The following DSG1 variants were observed in gnomAD, a reference collection of about 807,000 sequenced individuals.
DSG1 encodes desmoglein-1.
Under a neutral mutation model 97.5 loss-of-function variants are expected in DSG1, and 39 were observed. The ratio of observed to expected loss-of-function variants is 0.40; its 90% CI spans 0.31 to 0.52. The LOEUF is 0.52. Ranked by LOEUF, DSG1 falls within the 20% of genes least tolerant of loss-of-function variation. The pLI is 0.53. For missense variants in DSG1, 1,311 were observed against 1,295.4 expected, an observed-to-expected ratio of 1.01 and a Z score of -0.18; for synonymous variants, 475 against 443.4, an observed-to-expected ratio of 1.07 and a Z score of -0.90.
intron 1 of DSG1, among the ~76,000 whole-genome samples, chr18:31,323,302 T>A (rs1046967402): frequency 4.6e-5 from 7 of 152,114 alleles, no homozygotes; most frequent in Admixed American, 2.6e-4. Context: ...TCACCCTTAC[T>A]CCAGGGACAA....
At position 31,356,631 on chromosome 18, in the gene DSG1, G is replaced by A. The variant is rs563405161; in HGVS notation, c.*1285G>A. On this transcript the variant is annotated 3_prime_UTR_variant, in exon 15 of 15. Coordinates refer to ENST00000257192, the MANE Select transcript of DSG1 (RefSeq NM_001942.4). ...TTAGCAGAATTGACAATATGGTGTT[G>A]ATAAGCATGAAATAATAATAGAAAC... is the stretch of plus-strand genomic sequence containing the variant. 1.3e-5 allele frequency: 2 copies of A among 152,090 alleles called. No individual in the cohort carries two copies. The highest frequency in any genetic ancestry group is 4.8e-5 in the African/African-American group (2 of 41,442). The allele number at this position is 152,090 out of a possible 1,614,324, so 9.4% of individuals were successfully genotyped here.
In DSG1 at chr18:31,334,061, C is replaced by A; in HGVS notation, c.864C>A (p.Leu288=). ...IQENTLNSNL[L]EIRVIDLDEE... is the part of the protein sequence containing the mutation. ...AAAATACTCTAAATTCAAATTTGCT[C>A]GAGATTAGAGTAATTGATTTGGATG... The change falls in exon 8 of 15, where the codon CTC becomes CTA. Residue 288 remains leucine, a synonymous_variant. Coordinates refer to ENST00000257192, the MANE Select transcript of DSG1 (RefSeq NM_001942.4). 1.2e-6 allele frequency: 2 copies of A among 1,610,416 alleles called. No individual in the cohort carries two copies. Among genetic ancestry groups the A allele is most frequent in the South Asian group, 1.1e-5 (1 of 90,940 alleles).
chr18:31,331,355 G>T (rs16961650), intron 5 of DSG1, among the ~76,000 whole-genome samples: 3,806 of 152,150 alleles, frequency 0.025, 161 homozygotes, highest in African/African-American at 0.086. Flanking sequence ...TGTTGAGAAA[G>T]TTGGGAAAAT....
intron 8 of DSG1, 54 bp downstream of exon 8, chr18:31,334,256 T>C: frequency 7.8e-7 from 1 of 1,281,742 alleles, no homozygotes; most frequent in Non-Finnish European, 1.1e-6. Context: ...TTCAAAATGT[T>C]AAACTTAAAA....
At chr18:31,343,369 T>C in intron 11 of DSG1, 81 bp from the exon 12 acceptor site, 3 of 1,583,002 alleles carry the variant, frequency 1.9e-6, no homozygotes, top group African/African-American at 2.7e-5. Context: ...CGAATTCAAA[T>C]TTAACCATAA....
intron 1 of DSG1, among the ~76,000 whole-genome samples, chr18:31,323,568 TCTC>T (rs1317358091): frequency 6.6e-6 from 1 of 152,170 alleles, no homozygotes; most frequent in Non-Finnish European, 1.5e-5. Flanking sequence ...CTGCTGAACA[TCTC>T]TTCTTTTAAA....
intron 14 of DSG1, among the ~76,000 whole-genome samples, chr18:31,349,493 A>G (rs565764984): frequency 6.7e-6 from 1 of 148,786 alleles, no homozygotes; most frequent in African/African-American, 2.6e-5. Flanking sequence ...GTTTTTTCCA[A>G]TTCTGTGAAG....
chr18:31,355,440 C>A lies in DSG1; in HGVS notation c.*94C>A. ...CAATGTGATTTATAACGCACAACTT[C>A]GTGCTCAGGTCATCTAGGAGCAAGG... On this transcript the variant is annotated 3_prime_UTR_variant, in exon 15 of 15. Transcript: ENST00000257192. 1 of 1,268,922 alleles carries A rather than the reference C, an allele frequency of 7.9e-7. No homozygotes were observed. The highest frequency in any genetic ancestry group is 1.1e-6 in the Non-Finnish European group (1 of 892,270). 78.6% of individuals were successfully genotyped at this position (1,268,922 alleles called of 1,614,324 possible).
intron 11 of DSG1, among the ~76,000 whole-genome samples, chr18:31,342,222 G>A (rs1041074325): frequency 4.6e-5 from 7 of 152,060 alleles, no homozygotes; most frequent in African/African-American, 9.7e-5. Flanking sequence ...GTGAGCCACC[G>A]CGCCCGTCCT....
intron 6 of DSG1, 85 bp downstream of exon 6, chr18:31,331,952 A>G (rs954674675): frequency 7.6e-7 from 1 of 1,323,024 alleles, no homozygotes; most frequent in Non-Finnish European, 1.1e-6. Context: ...AGAGATGAAG[A>G]AAATGATGGT....
In DSG1 at chr18:31,354,484, T is replaced by C. The variant is rs754394337; in HGVS notation, c.2288T>C (p.Leu763Pro). 1.9e-6 allele frequency: 3 copies of C among 1,614,158 alleles called. No homozygotes were observed. The highest frequency in any genetic ancestry group is 2.5e-6 in the Non-Finnish European group (3 of 1,180,018). Residue 763 changes from leucine to proline, a missense_variant, in exon 15 of 15, where the codon CTA (leucine) becomes CCA (proline). By Grantham distance (98) the Leu-to-Pro change is moderately conservative (BLOSUM62 -3). Coordinates refer to ENST00000257192, the MANE Select transcript of DSG1 (RefSeq NM_001942.4). ...PKFKKLADIS[L>P]GKESYPDLDP... ...TTTAAGAAGTTGGCAGACATCAGCC[T>C]AGGAAAAGAATCATATCCAGACCTT...
In DSG1 at chr18:31,356,993, T is replaced by C. The variant is rs1191597566; in HGVS notation, c.*1647T>C. ...ATAAGCTCACTAAAATGAAACTCTA[T>C]ATGACAAAATAAAATTAGAAAAAAA... On this transcript the variant is annotated 3_prime_UTR_variant, in exon 15 of 15. Transcript: ENST00000257192. 1.3e-5 allele frequency: 2 copies of C among 152,130 alleles called. No homozygotes were observed. The highest frequency in any genetic ancestry group is 4.8e-5 in the African/African-American group (2 of 41,458). 9.4% of individuals were successfully genotyped at this position (152,130 alleles called of 1,614,324 possible). A position where few individuals can be genotyped will look rare whatever the true frequency, so the allele number is the denominator to read the frequency against.
chr18:31,338,286 T>G, intron 9 of DSG1, 29 bp from the exon 10 acceptor site: 1 of 1,610,048 alleles, frequency 6.2e-7, no homozygotes, highest in Non-Finnish European at 8.5e-7. Flanking sequence ...TAGCTGACAT[T>G]AATTTGTATC....
intron 11 of DSG1, 155 bp from the exon 12 acceptor site, chr18:31,343,295 C>A: frequency 9.6e-7 from 1 of 1,044,422 alleles, no homozygotes; most frequent in Non-Finnish European, 1.5e-6. Flanking sequence ...ACTTTGGGGT[C>A]TGACCATCAT....
intron 4 of DSG1, among the ~76,000 whole-genome samples, chr18:31,328,638 T>A (rs2071701798): frequency 6.6e-6 from 1 of 152,134 alleles, no homozygotes; most frequent in African/African-American, 2.4e-5. Flanking sequence ...TTTTAAAAAA[T>A]TCAGTAAAGA....
At chr18:31,331,649 T>C in intron 5 of DSG1, 52 bp from the exon 6 acceptor site, 1 of 1,564,212 alleles carries the variant, frequency 6.4e-7, no homozygotes. Flanking sequence ...TATACTCTAC[T>C]GTAACAAAAA....
intron 1 of DSG1, among the ~76,000 whole-genome samples, chr18:31,323,976 CTT>C (rs1203163479): frequency 0.029 from 2,772 of 94,818 alleles, 19 homozygotes; most frequent in African/African-American, 0.1. Context: ...TCTCTCCTTC[CTT>C]TTTTTTTTTT....
chr18:31,343,868 G>T (rs2071807596), intron 12 of DSG1, 58 bp from the exon 13 acceptor site: 1 of 1,392,596 alleles, frequency 7.2e-7, no homozygotes, highest in African/African-American at 1.4e-5. Flanking sequence ...ATGTATGACT[G>T]CAGAAAGATT....
At chr18:31,322,866 A>C (rs1385832572) in intron 1 of DSG1, among the ~76,000 whole-genome samples, 1 of 152,226 alleles carries the variant, frequency 6.6e-6, no homozygotes, top group Non-Finnish European at 1.5e-5. Context: ...ATGTGCAAGG[A>C]AGCATGAACT....
Sources: gnomAD v4.1 joint callset for allele counts (sites outside exome capture counted in the v4.1 genomes callset) on GRCh38, gnomAD v4.1.1 for gene constraint, MANE v1.5 for transcripts, NCBI Gene and HGNC (gene_info 2026-07-23, HGNC 2026-07-21) for gene names.